RUNX2: variants seen among roughly 807,000 people sequenced by gnomAD.
RUNX2 encodes runt-related transcription factor 2.
A neutral mutation model predicts 51.7 loss-of-function variants in RUNX2; 10 were observed. The ratio of observed to expected loss-of-function variants is 0.19; its 90% confidence interval spans 0.12 to 0.33. The LOEUF is 0.33. Among genes scored for constraint, RUNX2 ranks in the 10% least tolerant of loss-of-function variants. RUNX2 has a pLI of 1.00. For missense variants in RUNX2, 562 were observed against 691.3 expected (o/e 0.81, Z 2.10); for synonymous variants, 276 against 273.6 (o/e 1.01, Z -0.09).
At chr6:45,437,876 C>T (rs1798729109) in intron 4 of RUNX2, 71 bp from the exon 5 acceptor site, 20 of 1,124,146 alleles carry the variant, frequency 1.8e-5, no homozygotes, top group Non-Finnish European at 2.6e-5. Flanking sequence ...ATTTGGAAAT[C>T]TATGCTGCTG....
intron 5 of RUNX2, among the ~76,000 whole-genome samples, chr6:45,445,248 A>G (rs1344152107): frequency 6.6e-6 from 1 of 151,596 alleles, no homozygotes; most frequent in African/African-American, 2.4e-5. Flanking sequence ...CTGGTCTCAA[A>G]CTCCTGACCT....
chr6:45,479,175 T>A (rs1243899627), intron 5 of RUNX2, among the ~76,000 whole-genome samples: 1 of 152,156 alleles, frequency 6.6e-6, no homozygotes, highest in East Asian at 1.9e-4. Flanking sequence ...CAATGAAAGG[T>A]CCATGAAAGA....
chr6:45,328,379 C>T lies in RUNX2; in HGVS notation c.-148C>T. On this transcript the variant is annotated 5_prime_UTR_variant, in exon 1 of 9. Transcript: ENST00000647337. Reference sequence around the variant, plus strand: ...ACCACAAGTGCGGTGCAAACTTTCTCCAGGAGGACAGCAAGAAGTCTCTGG... The same window carrying T: ...ACCACAAGTGCGGTGCAAACTTTCTTCAGGAGGACAGCAAGAAGTCTCTGG... 1 of 1,392,402 alleles carries T rather than the reference C, an allele frequency of 7.2e-7. No individual in the cohort carries two copies. Among genetic ancestry groups the T allele is most frequent in the Non-Finnish European group, 9.6e-7 (1 of 1,038,996 alleles). The allele number at this position is 1,392,402 out of a possible 1,614,324, so 86.3% of individuals were successfully genotyped here. A position where few individuals can be genotyped will look rare whatever the true frequency, so the allele number is the denominator to read the frequency against.
intron 2 of RUNX2, among the ~76,000 whole-genome samples, chr6:45,407,632 A>G (rs1450332284): frequency 6.6e-6 from 1 of 151,948 alleles, no homozygotes; most frequent in Non-Finnish European, 1.5e-5. Context: ...AGCTGGGACT[A>G]CAGGAACATG....
At chr6:45,541,799 C>G (rs1275278529) in intron 7 of RUNX2, among the ~76,000 whole-genome samples, 2 of 152,178 alleles carry the variant, frequency 1.3e-5, no homozygotes, top group East Asian at 3.9e-4. Context: ...CATGGGGTTT[C>G]CCAGCTGACA....
intron 6 of RUNX2, among the ~76,000 whole-genome samples, chr6:45,504,391 G>A (rs190151528): frequency 2.0e-5 from 3 of 152,284 alleles, no homozygotes; most frequent in East Asian, 1.9e-4. Context: ...CATGTTACAG[G>A]TGAAAACAGT....
At position 45,379,759 on chromosome 6, in the gene RUNX2, G is replaced by A. The variant is rs187638071; in HGVS notation, c.59-42834G>A. On this transcript the variant is annotated intron_variant, in intron 2 of 8. Coordinates refer to ENST00000647337, the MANE Select transcript of RUNX2 (RefSeq NM_001024630.4). The stretch of plus-strand genomic sequence containing the variant: ...CACGTGCCTGTAGTCCCAGCTACTC[G>A]GGAGGCTGAGGCAGGAGAATCGCTT... Among the ~76,000 whole-genome samples, 82 of 152,166 alleles carry A rather than the reference G, an allele frequency of 5.4e-4. 1 individual carries two copies. In the East Asian group the frequency reaches 0.013, roughly 25 times the overall value.
At position 45,422,686 on chromosome 6, in the gene RUNX2, A is replaced by G. The variant is rs1328346387; in HGVS notation, c.152A>G (p.Gln51Arg). Residue 51 changes from glutamine to arginine, a missense_variant, in exon 3 of 9, where the codon CAG becomes CGG. Gln to Arg is a conservative substitution (Grantham distance 43, BLOSUM62 1). This residue lies in a region of RUNX2 where 153 missense variants were observed against 144.8 expected (regional missense o/e 1.06). Transcript: ENST00000647337. Reference sequence around the variant, plus strand: ...AGCCCGGTGGTGGCTGCGCAACAGCAGCAGCAACAGCAGCAGCAGCAACAG... The same window carrying G: ...AGCCCGGTGGTGGCTGCGCAACAGCGGCAGCAACAGCAGCAGCAGCAACAG... ...DVSPVVAAQQ[Q>R]QQQQQQQQQQ... is the part of the protein sequence containing the mutation. 1 of 1,603,212 alleles carries G rather than the reference A, an allele frequency of 6.2e-7. No individual in the cohort carries two copies. Among genetic ancestry groups the G allele is most frequent in the African/African-American group, 1.3e-5 (1 of 74,156 alleles).
chr6:45,329,373 A>G (rs2150070386), intron 2 of RUNX2, among the ~76,000 whole-genome samples: 1 of 152,098 alleles, frequency 6.6e-6, no homozygotes, highest in South Asian at 2.1e-4. Flanking sequence ...TTATATAAGT[A>G]TACATTCAGC....
intron 2 of RUNX2, among the ~76,000 whole-genome samples, chr6:45,378,285 G>A (rs1797103206): frequency 6.6e-6 from 1 of 152,266 alleles, no homozygotes; most frequent in Admixed American, 6.5e-5. Context: ...AGAGGGCTAG[G>A]ATTTTTGAAG....
chr6:45,403,460 T>C (rs1437757093), intron 2 of RUNX2, among the ~76,000 whole-genome samples: 1 of 152,108 alleles, frequency 6.6e-6, no homozygotes, highest in Non-Finnish European at 1.5e-5. Context: ...CTCGAACTCC[T>C]GACTTCAGGT....
At chr6:45,514,326 G>A (rs1364409882) in intron 7 of RUNX2, among the ~76,000 whole-genome samples, 1 of 152,174 alleles carries the variant, frequency 6.6e-6, no homozygotes, top group East Asian at 1.9e-4. Flanking sequence ...TTTACTGAGG[G>A]TTACTTAAAA....
intron 6 of RUNX2, among the ~76,000 whole-genome samples, chr6:45,507,874 TAG>T (rs1279960577): frequency 3.3e-5 from 5 of 152,260 alleles, no homozygotes; most frequent in African/African-American, 9.6e-5. Flanking sequence ...TTCAGTAAGA[TAG>T]AGTCTTTAAC....
intron 2 of RUNX2, among the ~76,000 whole-genome samples, chr6:45,338,843 T>TAC (rs1432859562): frequency 6.6e-6 from 1 of 151,996 alleles, no homozygotes; most frequent in Non-Finnish European, 1.5e-5. Flanking sequence ...AAGGAGGTAC[T>TAC]CACTCTTGCA....
chr6:45,430,021 G>A (rs2150366763), intron 3 of RUNX2, among the ~76,000 whole-genome samples: 1 of 152,110 alleles, frequency 6.6e-6, no homozygotes, highest in Non-Finnish European at 1.5e-5. Flanking sequence ...TTGAACCTGG[G>A]AGGTGGAGGT....
At chr6:45,372,591 T>C (rs562698634) in intron 2 of RUNX2, among the ~76,000 whole-genome samples, 5 of 152,328 alleles carry the variant, frequency 3.3e-5, no homozygotes, top group African/African-American at 1.2e-4. Flanking sequence ...ACATAAATTG[T>C]TTCAATTTAC....
chr6:45,512,449 G>A, intron 7 of RUNX2, 42 bp downstream of exon 7: 2 of 1,609,090 alleles, frequency 1.2e-6, no homozygotes, highest in Non-Finnish European at 8.5e-7. Context: ...CCTGCACAGG[G>A]GTCGGGGGGA....
At chr6:45,378,510 C>A (rs181313190) in intron 2 of RUNX2, among the ~76,000 whole-genome samples, 2 of 152,284 alleles carry the variant, frequency 1.3e-5, no homozygotes, top group African/African-American at 2.4e-5. Context: ...CCAGCTCTTA[C>A]GCCGCTTCCG....
At chr6:45,481,670 C>T (rs1370943606) in intron 5 of RUNX2, among the ~76,000 whole-genome samples, 1 of 152,122 alleles carries the variant, frequency 6.6e-6, no homozygotes, top group African/African-American at 2.4e-5. Context: ...GTAATAACAT[C>T]TTTGAAGTAA....
Sources: allele counts gnomAD v4.1 joint callset (sites outside exome capture counted in the v4.1 genomes callset), GRCh38; gene constraint gnomAD v4.1.1; regional missense constraint gnomAD v4.1.1; transcripts MANE v1.5; gene names NCBI Gene and HGNC (gene_info 2026-07-23, HGNC 2026-07-21).